The following PHF21A variants were observed in gnomAD, a reference collection of about 807,000 sequenced individuals.
The protein encoded by PHF21A is PHD finger protein 21A.
In PHF21A, 11 loss-of-function variants were observed where a neutral mutation model predicts 82.5. The ratio of observed to expected loss-of-function variants is 0.13; its 90% CI spans 0.08 to 0.22. The LOEUF is 0.22. Among genes scored for constraint, PHF21A ranks in the 10% least tolerant of loss-of-function variants. The pLI is 1.00. For synonymous variants in PHF21A, 297 were observed against 302.8 expected, an observed-to-expected ratio of 0.98 and a Z score of 0.20; for missense variants, 579 against 837.8, an observed-to-expected ratio of 0.69 and a Z score of 3.81.
At chr11:46,047,886 T>G (rs1401301427) in intron 6 of PHF21A, among the ~76,000 whole-genome samples, 1 of 152,206 alleles carries the variant, frequency 6.6e-6, no homozygotes, top group Non-Finnish European at 1.5e-5. Flanking sequence ...GTATTCTTAT[T>G]GAAAATATGG....
chr11:46,111,195 G>A (rs995132316), intron 1 of PHF21A, among the ~76,000 whole-genome samples: 2 of 151,208 alleles, frequency 1.3e-5, no homozygotes, highest in East Asian at 2.0e-4. Flanking sequence ...TGGGCCAGGC[G>A]TGGTGGCTCA....
intron 6 of PHF21A, among the ~76,000 whole-genome samples, chr11:46,040,931 ACACG>A (rs1555134080): frequency 2.7e-4 from 31 of 113,746 alleles, no homozygotes; most frequent in East Asian, 7.3e-4. Context: ...ACACACACAC[ACACG>A]CACGCACAAT....
chr11:45,985,327 C>T (rs952728720), intron 6 of PHF21A, among the ~76,000 whole-genome samples: 6 of 152,150 alleles, frequency 3.9e-5, no homozygotes, highest in African/African-American at 1.4e-4. Context: ...ACTGTCATAA[C>T]ATTAGAGACA....
intron 6 of PHF21A, among the ~76,000 whole-genome samples, chr11:46,031,557 G>A (rs938283593): frequency 5.3e-5 from 8 of 152,106 alleles, no homozygotes; most frequent in African/African-American, 1.4e-4. Flanking sequence ...TCATGCAGCC[G>A]GTACGAATTC....
chr11:46,050,093 C>G (rs1199024842), intron 6 of PHF21A, among the ~76,000 whole-genome samples: 1 of 152,216 alleles, frequency 6.6e-6, no homozygotes, highest in Non-Finnish European at 1.5e-5. Context: ...GCGATTGCCA[C>G]TAGGGATTGC....
At chr11:46,011,188 G>A (rs1445029742) in intron 6 of PHF21A, among the ~76,000 whole-genome samples, 1 of 152,126 alleles carries the variant, frequency 6.6e-6, no homozygotes, top group African/African-American at 2.4e-5. Context: ...GTGGTAGGGT[G>A]TATAAAAGTG....
Position 45,948,939 on chromosome 11 carries a change from T to C in PHF21A, c.1235A>G (p.Lys412Arg). The C allele has an allele frequency of 2.5e-6, 4 of 1,613,910 alleles. No individual in the cohort carries two copies. The highest frequency in any genetic ancestry group is 2.5e-6 in the Non-Finnish European group (3 of 1,179,756). ...GCTGTTTAGGTATGTCACTGCACTC[T>C]TCTTACGCTTTGAGGGTTGAAGGAG... ...SGAVFEPERK[K>R]SAVTYLNSTM... Residue 412 changes from lysine (K) to arginine (R), a missense_variant, in exon 14 of 19, where the codon AAG (lysine) becomes AGG (arginine). This residue lies in a region of PHF21A where 410 missense variants were observed against 642.1 expected (regional missense o/e 0.64). Coordinates refer to ENST00000676320, the MANE Select transcript of PHF21A (RefSeq NM_001352027.3).
chr11:45,972,137 T>C (rs2093798320), intron 7 of PHF21A, among the ~76,000 whole-genome samples: 1 of 151,896 alleles, frequency 6.6e-6, no homozygotes, highest in Admixed American at 6.6e-5. Context: ...CAATGAAACA[T>C]GACAAGGTGA....
intron 1 of PHF21A, among the ~76,000 whole-genome samples, chr11:46,102,996 G>A (rs1483062057): frequency 6.6e-6 from 1 of 152,172 alleles, no homozygotes; most frequent in Non-Finnish European, 1.5e-5. Context: ...CAGAGAAGCA[G>A]GAGAGGAAAG....
Position 46,025,314 on chromosome 11 carries a change from C to A in PHF21A, c.154-45348G>T, listed in dbSNP as rs2095717849. ...TCTTCTTTTCTCAAACTTACTATGT[C>A]CCTTTCACACAATATGACCAATAGG... is the stretch of plus-strand genomic sequence containing the variant. On this transcript the variant is annotated intron_variant, in intron 6 of 18. Coordinates refer to ENST00000676320, the MANE Select transcript of PHF21A (RefSeq NM_001352027.3). Among the ~76,000 whole-genome samples the A allele has an allele frequency of 9.2e-5, 14 of 152,280 alleles. No individual in the cohort carries two copies. The South Asian group carries it at 2.9e-3, about 32-fold the overall frequency.
rs1168409392 is a variant in PHF21A, at chr11:45,930,681, C to T, written c.*3287G>A. The T allele has an allele frequency of 1.3e-5, 2 of 152,366 alleles. No individual in the cohort carries two copies. The highest frequency in any genetic ancestry group is 2.4e-5 in the African/African-American group (1 of 41,448). The allele number at this position is 152,366 out of a possible 1,614,324, so 9.4% of individuals were successfully genotyped here. A position where few individuals can be genotyped will look rare whatever the true frequency, so the allele number is the denominator to read the frequency against. On this transcript the variant is annotated 3_prime_UTR_variant, in exon 19 of 19. Coordinates refer to ENST00000676320, the MANE Select transcript of PHF21A (RefSeq NM_001352027.3). ...CTCCCAGTCATCACTGCCACCAGGG[C>T]GCAGCGCCTGATCAGGAGCTGGCAG...
intron 14 of PHF21A, among the ~76,000 whole-genome samples, chr11:45,947,667 C>T (rs1554986640): frequency 6.6e-6 from 1 of 152,052 alleles, no homozygotes; most frequent in Non-Finnish European, 1.5e-5. Flanking sequence ...TCATTTAACC[C>T]CTGTCCTCTT....
intron 6 of PHF21A, chr11:46,049,573 A>G (rs2096314732): frequency 2.3e-6 from 1 of 443,526 alleles, no homozygotes; most frequent in African/African-American, 2.0e-5. Flanking sequence ...TAGAAAGAGG[A>G]TAGGAGAAAG....
chr11:45,943,607 T>C (rs953610036), intron 15 of PHF21A, among the ~76,000 whole-genome samples: 4 of 152,232 alleles, frequency 2.6e-5, no homozygotes, highest in African/African-American at 4.8e-5. Context: ...AAAATCCAAG[T>C]TGATTTTGCA....
In PHF21A at chr11:46,069,191, T is replaced by C. The variant is rs17789617; in HGVS notation, c.153+7563A>G. Among the ~76,000 whole-genome samples, 1,589 of 152,304 alleles carry C rather than the reference T, an allele frequency of 0.01. 195 individuals carry two copies. In the East Asian group the frequency reaches 0.27, roughly 26 times the overall value. On this transcript the variant is annotated intron_variant, in intron 6 of 18. Coordinates refer to ENST00000676320, the MANE Select transcript of PHF21A (RefSeq NM_001352027.3). ...CTCATCTTGGCTGAATATAAGCCAA[T>C]AGGATTTCACCAGGAGAAATTTGAA... is the stretch of plus-strand genomic sequence containing the variant.
intron 1 of PHF21A, among the ~76,000 whole-genome samples, chr11:46,114,317 T>C (rs1309084709): frequency 6.6e-6 from 1 of 152,190 alleles, no homozygotes; most frequent in Non-Finnish European, 1.5e-5. Flanking sequence ...TGCAAGTCTG[T>C]GGAAGGAGGC....
chr11:45,958,449 T>TACACAC (rs60775450), intron 10 of PHF21A, among the ~76,000 whole-genome samples: 1,744 of 14,772 alleles, frequency 0.12, 358 homozygotes, highest in East Asian at 0.61. Flanking sequence ...TATATATATA[T>TACACAC]ACACACACAC....
At chr11:46,082,769 A>T (rs1334441090) in intron 4 of PHF21A, among the ~76,000 whole-genome samples, 1 of 152,214 alleles carries the variant, frequency 6.6e-6, no homozygotes, top group Non-Finnish European at 1.5e-5. Flanking sequence ...AGAATATGAA[A>T]CAAAATATTT....
At chr11:45,949,591 A>T in intron 12 of PHF21A, 110 bp from the exon 13 acceptor site, 1 of 929,572 alleles carries the variant, frequency 1.1e-6, no homozygotes. Flanking sequence ...ATCAGGGACA[A>T]GTCTCTGTTT....
Sources: allele counts gnomAD v4.1 joint callset (sites outside exome capture counted in the v4.1 genomes callset), GRCh38; gene constraint gnomAD v4.1.1; regional missense constraint gnomAD v4.1.1; transcripts MANE v1.5; gene names NCBI Gene and HGNC (gene_info 2026-07-23, HGNC 2026-07-21).